The following ADAM17 variants were observed in gnomAD, a reference collection of about 807,000 sequenced individuals.
ADAM17 encodes the protein ADAM metallopeptidase domain 17.
A neutral mutation model predicts 96.7 loss-of-function variants in ADAM17; 39 were observed. The observed-to-expected ratio is 0.40, with a 90% CI of 0.31 to 0.53. The LOEUF (loss-of-function observed/expected upper bound fraction) is 0.53. ADAM17 is among the 20% of genes least tolerant of loss of function. The probability of loss-of-function intolerance (pLI) is 0.44; values close to 1 mark genes in which losing one functional copy is unlikely to be tolerated. For synonymous variants in ADAM17, 344 were observed against 359.2 expected (o/e 0.96, Z 0.48); for missense variants, 777 against 1,013.2 (o/e 0.77, Z 3.17).
intron 4 of ADAM17, among the ~76,000 whole-genome samples, chr2:9,532,583 T>C (rs73151548): frequency 0.067 from 10,106 of 151,652 alleles, 1,190 homozygotes; most frequent in African/African-American, 0.23. Context: ...CTGATCCTAC[T>C]GCTTCAGCAT....
chr2:9,490,528 C>T lies in ADAM17; in HGVS notation c.2134-10G>A. ...TCAGCATTTCGACGTTCTGCAAAGA[C>T]ATGGGTTCAATTGATTGATAGGAAT... is the stretch of plus-strand genomic sequence containing the variant. On this transcript the variant is annotated splice_polypyrimidine_tract_variant and intron_variant, in intron 18 of 18. Transcript: ENST00000310823. The T allele has an allele frequency of 1.9e-6, 3 of 1,606,028 alleles. No individual in the cohort carries two copies. The highest frequency in any genetic ancestry group is 1.7e-4 in the Middle Eastern group (1 of 5,814).
At chr2:9,526,309 C>T (rs1309330640) in intron 5 of ADAM17, 65 bp from the exon 6 acceptor site, 6 of 1,496,272 alleles carry the variant, frequency 4.0e-6, no homozygotes. Context: ...TATGGTAACA[C>T]TTTAAATCTA....
intron 7 of ADAM17, among the ~76,000 whole-genome samples, chr2:9,522,893 T>C (rs1257461442): frequency 7.2e-5 from 11 of 152,194 alleles, no homozygotes; most frequent in African/African-American, 2.2e-4. Flanking sequence ...TATTTTTTAG[T>C]AAATTTTCTG....
At chr2:9,501,464 G>A (rs1199503808) in intron 13 of ADAM17, among the ~76,000 whole-genome samples, 2 of 152,144 alleles carry the variant, frequency 1.3e-5, no homozygotes, top group African/African-American at 2.4e-5. Flanking sequence ...CTGAAGGGAC[G>A]TAGGAGGATG....
chr2:9,550,439 CTTTTTTTTTTTTT>C (rs35602755), intron 1 of ADAM17, among the ~76,000 whole-genome samples: 4 of 74,164 alleles, frequency 5.4e-5, no homozygotes, highest in African/African-American at 1.7e-4. Flanking sequence ...GATACTCATT[CTTTTTTTTTTTTT>C]TTTTTTTTTT....
At chr2:9,492,804 C>T in intron 17 of ADAM17, 94 bp downstream of exon 17, 1 of 1,095,382 alleles carries the variant, frequency 9.1e-7, no homozygotes, top group South Asian at 1.9e-5. Flanking sequence ...CCAAACTTTG[C>T]TAAGAACAAG....
At chr2:9,490,555 A>AAAG in intron 18 of ADAM17, 37 bp from the exon 19 acceptor site, 2 of 1,569,770 alleles carry the variant, frequency 1.3e-6, no homozygotes, top group Non-Finnish European at 1.7e-6. Context: ...GATAGGAATA[A>AAAG]AAGATGAATC....
Position 9,489,687 on chromosome 2 carries a change from T to C in ADAM17, c.*490A>G, listed in dbSNP as rs958287131. The C allele has an allele frequency of 7.1e-6, 1 of 140,186 alleles. No homozygotes were observed. The highest frequency in any genetic ancestry group is 1.5e-5 in the Non-Finnish European group (1 of 66,198). The allele number at this position is 140,186 out of a possible 1,614,324, so 8.7% of individuals were successfully genotyped here. Reference sequence around the variant, plus strand: ...AAATAGACCCACAATTTAGAGACAATGTATACTAGATTTATCTCCTTTGTT... The same window carrying C: ...AAATAGACCCACAATTTAGAGACAACGTATACTAGATTTATCTCCTTTGTT... On this transcript the variant is annotated 3_prime_UTR_variant, in exon 19 of 19. Coordinates refer to ENST00000310823, the MANE Select transcript of ADAM17 (RefSeq NM_003183.6).
chr2:9,532,507 T>C (rs1664789995), intron 4 of ADAM17, among the ~76,000 whole-genome samples: 1 of 152,236 alleles, frequency 6.6e-6, no homozygotes, highest in Admixed American at 6.5e-5. Context: ...GGTCTCGCTC[T>C]GTCACCCAGG....
At position 9,504,029 on chromosome 2, in the gene ADAM17, TA is replaced by T. The variant is rs567427691; in HGVS notation, c.1544+1136del. Among the ~76,000 whole-genome samples the T allele has an allele frequency of 3.4e-3, 515 of 151,962 alleles. 1 individual carries two copies. Among genetic ancestry groups the T allele is most frequent in the Middle Eastern group, 0.01 (3 of 294 alleles). On this transcript the variant is annotated intron_variant, in intron 12 of 18. Transcript: ENST00000310823. The stretch of plus-strand genomic sequence containing the variant: ...AAATTAGCCAGGTGGCACACACCTG[TA>T]GTCCTGTCTATCCGGGAGGCTGAGG...
At chr2:9,494,199 A>T (rs1662380370) in intron 15 of ADAM17, among the ~76,000 whole-genome samples, 1 of 152,190 alleles carries the variant, frequency 6.6e-6, no homozygotes, top group Non-Finnish European at 1.5e-5. Flanking sequence ...ATTCTGCATG[A>T]GAAAAATTAT....
At chr2:9,539,876 T>C (rs1280771127) in intron 2 of ADAM17, among the ~76,000 whole-genome samples, 1 of 152,190 alleles carries the variant, frequency 6.6e-6, no homozygotes, top group African/African-American at 2.4e-5. Context: ...TATCACCTAA[T>C]AACTGAACGG....
Position 9,490,332 on chromosome 2 carries a change from C to T in ADAM17, c.2320G>A (p.Glu774Lys), listed in dbSNP as rs753859098. Residue 774 changes from glutamate to lysine, a missense_variant, in exon 19 of 19, where the codon GAG (glutamate) becomes AAG (lysine). Glu to Lys is a moderately conservative substitution (Grantham distance 56). This residue lies in a region of ADAM17 where 197 missense variants were observed against 219.4 expected (regional missense o/e 0.90). Coordinates refer to ENST00000310823, the MANE Select transcript of ADAM17 (RefSeq NM_003183.6). ...EDPSTDSHMD[E>K]DGFEKDPFPN... ...AAGGGGTCCTTCTCAAACCCATCCTCGTCCATATGTGAGTCTGTGCTGGGG... is the reference window on the plus strand; with the variant it reads ...AAGGGGTCCTTCTCAAACCCATCCTTGTCCATATGTGAGTCTGTGCTGGGG... 3.7e-6 allele frequency: 6 copies of T among 1,614,018 alleles called. No individual in the cohort carries two copies. The highest frequency in any genetic ancestry group is 1.3e-5 in the African/African-American group (1 of 74,900).
chr2:9,506,347 ATCTTCAAATCTGTTTTTTTTTTTT>A (rs796297717), intron 11 of ADAM17, among the ~76,000 whole-genome samples: 15 of 147,866 alleles, frequency 1.0e-4, no homozygotes, highest in African/African-American at 3.8e-4. Flanking sequence ...TTTAAAAAAC[ATCTTCAAATCTGTTTTTTTTTTTT>A]TTTTTTTTTT....
intron 4 of ADAM17, among the ~76,000 whole-genome samples, chr2:9,530,023 G>T (rs1664677103): frequency 6.6e-6 from 1 of 151,998 alleles, no homozygotes; most frequent in African/African-American, 2.4e-5. Context: ...TTAAGTGGGT[G>T]AATAATATAG....
chr2:9,543,953 T>A (rs1665314512), intron 1 of ADAM17, among the ~76,000 whole-genome samples: 1 of 152,148 alleles, frequency 6.6e-6, no homozygotes, highest in African/African-American at 2.4e-5. Context: ...ATGATGGGTA[T>A]CCCAATCACC....
chr2:9,540,740 CAA>C (rs752473574), intron 2 of ADAM17, among the ~76,000 whole-genome samples: 3 of 151,936 alleles, frequency 2.0e-5, no homozygotes, highest in Non-Finnish European at 2.9e-5. Flanking sequence ...GAAAAATAGT[CAA>C]AAGAGATAAA....
At chr2:9,499,187 C>T (rs1238510170) in intron 13 of ADAM17, among the ~76,000 whole-genome samples, 1 of 148,124 alleles carries the variant, frequency 6.8e-6, no homozygotes, top group African/African-American at 2.5e-5. Flanking sequence ...TTATCAGGAA[C>T]TTATCCTCTG....
At chr2:9,529,969 T>TACACACACACACAC (rs35137204) in intron 4 of ADAM17, among the ~76,000 whole-genome samples, 25 of 149,466 alleles carry the variant, frequency 1.7e-4, no homozygotes, top group African/African-American at 5.9e-4. Context: ...ATCTCAAAAA[T>TACACACACACACAC]ACACACACAC....
Sources: gnomAD v4.1 joint callset for allele counts (sites outside exome capture counted in the v4.1 genomes callset) on GRCh38, gnomAD v4.1.1 for gene constraint, gnomAD v4.1.1 regional missense constraint, MANE v1.5 for transcripts, NCBI Gene and HGNC (gene_info 2026-07-23, HGNC 2026-07-21) for gene names.